The following DIS3 variants were observed in gnomAD, a reference collection of about 807,000 sequenced individuals.
DIS3 encodes DIS3 exosome endoribonuclease and 3'-5' exoribonuclease, also known as exosome complex exonuclease RRP44.
Under a neutral mutation model 113.0 loss-of-function variants are expected in DIS3, and 103 were observed. That is an observed-to-expected ratio of 0.91 (90% CI 0.78 to 1.07). The LOEUF (loss-of-function observed/expected upper bound fraction) is 1.07. DIS3 is among the 50% of genes least tolerant of loss of function. DIS3 has a pLI of 0.00. For synonymous variants in DIS3, 402 were observed against 394.3 expected (o/e 1.02, Z -0.23); for missense variants, 1,121 against 1,167.1 (o/e 0.96, Z 0.58).
At chr13:72,761,305 G>A in intron 19 of DIS3, 58 bp downstream of exon 19, 1 of 1,553,916 alleles carries the variant, frequency 6.4e-7, no homozygotes, top group Non-Finnish European at 8.6e-7. Context: ...TACCATTTAT[G>A]AACTCTCAAA....
At position 72,758,816 on chromosome 13, in the gene DIS3, C is replaced by CGT; in HGVS notation, c.*977_*978dup. On this transcript the variant is annotated 3_prime_UTR_variant, in exon 21 of 21. Transcript: ENST00000377767. Reference sequence around the variant, plus strand: ...TTTACTTGAGTGGAACCTGGCACAACGTAAGTGCTTTAGAAATTGAATAAG... The same window carrying CGT: ...TTTACTTGAGTGGAACCTGGCACAACGTGTAAGTGCTTTAGAAATTGAATAAG... The CGT allele has an allele frequency of 5.1e-6, 1 of 194,824 alleles. No homozygotes were observed. Among genetic ancestry groups the CGT allele is most frequent in the East Asian group, 8.0e-5 (1 of 12,424 alleles). 12.1% of individuals were successfully genotyped at this position (194,824 alleles called of 1,614,324 possible).
chr13:72,777,522 A>AT, intron 3 of DIS3, 29 bp from the exon 4 acceptor site: 7 of 1,600,472 alleles, frequency 4.4e-6, no homozygotes, highest in Non-Finnish European at 6.0e-6. Context: ...GTTGTTTTTG[A>AT]TAAGTGTTTT....
Position 72,755,515 on chromosome 13 carries a change from G to A in DIS3, c.*4280C>T, listed in dbSNP as rs2033436373. ...AGTGCTCCTATCTTACAGGGTCAAT[G>A]AACTACTTATTAAGCCTTACTGGTA... On this transcript the variant is annotated 3_prime_UTR_variant, in exon 21 of 21. Coordinates refer to ENST00000377767, the MANE Select transcript of DIS3 (RefSeq NM_014953.5). The A allele has an allele frequency of 5.1e-6, 2 of 390,434 alleles. No individual in the cohort carries two copies. The highest frequency in any genetic ancestry group is 1.1e-4 in the South Asian group (2 of 17,952). 24.2% of individuals were successfully genotyped at this position (390,434 alleles called of 1,614,324 possible).
rs764172874 is a variant in DIS3 at position 72,768,838 on chromosome 13, G to A, written c.1830C>T (p.Leu610=). 3.1e-6 allele frequency: 5 copies of A among 1,609,218 alleles called. No individual in the cohort carries two copies. The East Asian group carries it at 1.1e-4, about 36-fold the overall frequency. ...TTTTGGCTAGTTTATTCAGTCCACG[G>A]AGACTAGTGGTAATATCATCATTCA... ...ANMNDDITTS[L]RGLNKLAKIL... The change falls in exon 14 of 21, where the codon CTC becomes CTT. Residue 610 remains leucine (L), a synonymous_variant. Coordinates refer to ENST00000377767, the MANE Select transcript of DIS3 (RefSeq NM_014953.5).
Position 72,755,041 on chromosome 13 carries a change from A to G in DIS3, c.*4754T>C. On this transcript the variant is annotated 3_prime_UTR_variant, in exon 21 of 21. Coordinates refer to ENST00000377767, the MANE Select transcript of DIS3 (RefSeq NM_014953.5). ...AATACTGTATCTTTACTGTCCCTTC[A>G]GAGTTCAGCTAAAGAAACGTGCTTT... 4 of 812,016 alleles carry G rather than the reference A, an allele frequency of 4.9e-6. No individual in the cohort carries two copies. The highest frequency in any genetic ancestry group is 8.3e-6 in the Non-Finnish European group (4 of 481,890). 50.3% of individuals were successfully genotyped at this position (812,016 alleles called of 1,614,324 possible). A position where few individuals can be genotyped will look rare whatever the true frequency, so the allele number is the denominator to read the frequency against.
chr13:72,771,369 C>T (rs1339594092), intron 11 of DIS3, among the ~76,000 whole-genome samples: 1 of 152,130 alleles, frequency 6.6e-6, no homozygotes, highest in African/African-American at 2.4e-5. Flanking sequence ...GGACTTCATG[C>T]CAATTAATCT....
intron 10 of DIS3, 46 bp from the exon 11 acceptor site, chr13:72,771,942 A>T: frequency 6.4e-7 from 1 of 1,568,208 alleles, no homozygotes; most frequent in African/African-American, 1.4e-5. Context: ...TTGACTGGGT[A>T]AATGTACCTA....
At chr13:72,778,999 C>T (rs1409508536) in intron 2 of DIS3, among the ~76,000 whole-genome samples, 12 of 152,054 alleles carry the variant, frequency 7.9e-5, no homozygotes, top group Admixed American at 7.9e-4. Flanking sequence ...GGTTTAAGTA[C>T]AACAGCAAAG....
chr13:72,771,884 T>C lies in DIS3; in HGVS notation c.1516A>G (p.Ile506Val), dbSNP rs747999476. 1.2e-6 allele frequency: 2 copies of C among 1,613,370 alleles called. No individual in the cohort carries two copies. Among genetic ancestry groups the C allele is most frequent in the Middle Eastern group, 1.6e-4 (1 of 6,078 alleles). ...ENGNLEVGVH[I>V]ADVSHFIRPG... is the part of the protein sequence containing the mutation. ...CTAATAAAATGGCTCACATCAGCAA[T>C]ATGAACACCAACCTTAAAAAGATAA... Residue 506 changes from isoleucine to valine, a missense_variant, in exon 11 of 21, where the codon ATT (isoleucine) becomes GTT (valine). By Grantham distance (29) the Ile-to-Val change is conservative. This residue lies in a region of DIS3 where 861 missense variants were observed against 915.5 expected (regional missense o/e 0.94). Transcript: ENST00000377767.
intron 13 of DIS3, among the ~76,000 whole-genome samples, chr13:72,769,647 ATGTTATATATTCACTAGGTTT>A (rs2138192227): frequency 6.6e-6 from 1 of 152,296 alleles, no homozygotes; most frequent in Non-Finnish European, 1.5e-5. Context: ...AAAAGGTTTT[ATGTTATATATTCACTAGGTTT>A]GTTTTCATAT....
At chr13:72,762,293 CTG>C (rs1233832519) in intron 16 of DIS3, among the ~76,000 whole-genome samples, 156 bp from the exon 17 acceptor site, 5 of 152,178 alleles carry the variant, frequency 3.3e-5, no homozygotes, top group Non-Finnish European at 7.4e-5. Flanking sequence ...CAAAACTGTA[CTG>C]GTCACTACAG....
chr13:72,776,653 TATC>T (rs1232205345), intron 4 of DIS3, among the ~76,000 whole-genome samples: 3 of 152,210 alleles, frequency 2.0e-5, no homozygotes, highest in African/African-American at 4.8e-5. Context: ...ATGCTACAGT[TATC>T]ATCTTATTTG....
At chr13:72,779,123 CT>C (rs563966682) in intron 2 of DIS3, among the ~76,000 whole-genome samples, 517 of 139,928 alleles carry the variant, frequency 3.7e-3, no homozygotes, top group East Asian at 4.1e-3. Context: ...CTTGCTAATG[CT>C]TTTTTTTTTT....
In DIS3 at chr13:72,755,241, TAAG is replaced by T. The variant is rs754878432; in HGVS notation, c.*4551_*4553del. On this transcript the variant is annotated 3_prime_UTR_variant, in exon 21 of 21. Transcript: ENST00000377767. ...GAATGCCTCTGTCAGAATCAAAGACTAAGCTTAAGAGTTCCTCGCATATATCGT... is the reference window on the plus strand; with the variant it reads ...GAATGCCTCTGTCAGAATCAAAGACTCTTAAGAGTTCCTCGCATATATCGT... 1.1e-5 allele frequency: 17 copies of T among 1,583,772 alleles called. No homozygotes were observed. The highest frequency in any genetic ancestry group is 2.6e-6 in the Non-Finnish European group (3 of 1,153,430).
intron 1 of DIS3, 135 bp downstream of exon 1, chr13:72,781,470 T>C: frequency 6.9e-7 from 1 of 1,445,244 alleles, no homozygotes; most frequent in Non-Finnish European, 9.2e-7. Context: ...AACAGGAAGC[T>C]TCGGTCCCGA....
chr13:72,752,205 T>A lies in DIS3; in HGVS notation c.*7590A>T, dbSNP rs2033294998. The A allele has an allele frequency of 6.6e-6, 1 of 152,208 alleles. No individual in the cohort carries two copies. Among genetic ancestry groups the A allele is most frequent in the South Asian group, 2.1e-4 (1 of 4,828 alleles). 9.4% of individuals were successfully genotyped at this position (152,208 alleles called of 1,614,324 possible). A position where few individuals can be genotyped will look rare whatever the true frequency, so the allele number is the denominator to read the frequency against. On this transcript the variant is annotated 3_prime_UTR_variant, in exon 21 of 21. Coordinates refer to ENST00000377767, the MANE Select transcript of DIS3 (RefSeq NM_014953.5). Reference sequence around the variant, plus strand: ...GTTCTTTTATTTCCAGGCTGTGGGATCTTAAGGCAAGATTTACATAGCAGT... The same window carrying A: ...GTTCTTTTATTTCCAGGCTGTGGGAACTTAAGGCAAGATTTACATAGCAGT...
chr13:72,772,147 A>T lies in DIS3; in HGVS notation c.1503+12T>A. 6.3e-7 allele frequency: 1 copy of T among 1,587,156 alleles called. No homozygotes were observed. Among genetic ancestry groups the T allele is most frequent in the African/African-American group, 1.3e-5 (1 of 74,364 alleles). On this transcript the variant is annotated intron_variant, in intron 10 of 20. Transcript: ENST00000377767. ...ACTATATTTAGGTAAGAACACTATT[A>T]CATATGAATACCTCCAAATTTCCAT...
At chr13:72,763,664 T>C (rs1272210173) in intron 15 of DIS3, 57 bp from the exon 16 acceptor site, 1 of 1,498,386 alleles carries the variant, frequency 6.7e-7, no homozygotes, top group Non-Finnish European at 8.9e-7. Context: ...CTTCTATATA[T>C]CATATTTTTT....
rs1593829600 is a variant in DIS3 at position 72,757,049 on chromosome 13, A to G, written c.*2746T>C. Reference sequence around the variant, plus strand: ...CACTAGAAACAGAACATTTTAGATTATGGAATAGAACTTAGGGGAAAATAG... The same window carrying G: ...CACTAGAAACAGAACATTTTAGATTGTGGAATAGAACTTAGGGGAAAATAG... On this transcript the variant is annotated 3_prime_UTR_variant, in exon 21 of 21. Coordinates refer to ENST00000377767, the MANE Select transcript of DIS3 (RefSeq NM_014953.5). 6.6e-6 allele frequency: 1 copy of G among 152,304 alleles called. No individual in the cohort carries two copies. The highest frequency in any genetic ancestry group is 1.5e-5 in the Non-Finnish European group (1 of 68,018). The allele number at this position is 152,304 out of a possible 1,614,324, so 9.4% of individuals were successfully genotyped here.
Sources: gnomAD v4.1 joint callset for allele counts (sites outside exome capture counted in the v4.1 genomes callset) on GRCh38, gnomAD v4.1.1 for gene constraint, gnomAD v4.1.1 regional missense constraint, MANE v1.5 for transcripts, NCBI Gene and HGNC (gene_info 2026-07-23, HGNC 2026-07-21) for gene names.